The following ABCA4 variants were observed in gnomAD, a reference collection of about 807,000 sequenced individuals.
ABCA4 encodes the protein retinal-specific phospholipid-transporting ATPase ABCA4.
ABCA4 carries 196 observed loss-of-function variants against 263.7 expected under a neutral mutation model. The ratio of observed to expected loss-of-function variants is 0.74; its 90% CI spans 0.66 to 0.84. The LOEUF (loss-of-function observed/expected upper bound fraction) is 0.84, where lower values mean the gene tolerates loss of function less well. ABCA4 is among the 40% of genes least tolerant of loss of function. ABCA4 has a pLI of 0.00. For synonymous variants in ABCA4, 1,133 were observed against 1,094.2 expected (o/e 1.04, Z -0.70); for missense variants, 2,792 against 2,855.1 (o/e 0.98, Z 0.50).
intron 29 of ABCA4, among the ~76,000 whole-genome samples, chr1:94,030,083 C>A (rs746156316): frequency 2.6e-5 from 4 of 152,220 alleles, no homozygotes; most frequent in African/African-American, 9.6e-5. Context: ...CTGTGTCACT[C>A]ACGCCATTCA....
intron 4 of ABCA4, 105 bp downstream of exon 4, chr1:94,108,472 C>T: frequency 1.3e-6 from 2 of 1,536,248 alleles, no homozygotes; most frequent in South Asian, 2.3e-5. Flanking sequence ...TCCCTTCCTG[C>T]CTCCGCTAGT....
intron 44 of ABCA4, among the ~76,000 whole-genome samples, chr1:94,004,781 C>A (rs897817891): frequency 6.6e-6 from 1 of 152,078 alleles, no homozygotes; most frequent in Non-Finnish European, 1.5e-5. Flanking sequence ...TCTTTCTTCC[C>A]ATTTTCTTCT....
intron 12 of ABCA4, 39 bp from the exon 13 acceptor site, chr1:94,062,792 TGGATA>T (rs753054167): frequency 3.5e-5 from 56 of 1,605,500 alleles, no homozygotes; most frequent in Non-Finnish European, 4.7e-5. Flanking sequence ...GGAACGGGCT[TGGATA>T]GCTCACTCAC....
intron 11 of ABCA4, among the ~76,000 whole-genome samples, chr1:94,076,539 G>T (rs956241652): frequency 6.6e-6 from 1 of 151,392 alleles, no homozygotes; most frequent in Non-Finnish European, 1.5e-5. Flanking sequence ...CATTTGCAAA[G>T]GGTAGAATCC....
chr1:94,083,530 GA>G, intron 6 of ABCA4, 89 bp from the exon 7 acceptor site: 1 of 902,774 alleles, frequency 1.1e-6, no homozygotes. Context: ...CTATATGTTT[GA>G]AAACTCCCCC....
intron 47 of ABCA4, among the ~76,000 whole-genome samples, chr1:93,998,478 C>T (rs537146744): frequency 6.6e-6 from 1 of 151,974 alleles, no homozygotes; most frequent in East Asian, 1.9e-4. Context: ...GAGACCCTGT[C>T]TCAAAAAAAC....
At chr1:94,106,177 C>G (rs936711284) in intron 4 of ABCA4, among the ~76,000 whole-genome samples, 3 of 152,214 alleles carry the variant, frequency 2.0e-5, no homozygotes, top group African/African-American at 7.2e-5. Flanking sequence ...AGCCCTTGTC[C>G]CCAGATTTGC....
chr1:94,004,972 A>G (rs967313675), intron 44 of ABCA4, among the ~76,000 whole-genome samples: 11 of 152,328 alleles, frequency 7.2e-5, no homozygotes, highest in Middle Eastern at 3.4e-3. Flanking sequence ...AAATATCTCC[A>G]TATCAGTTTA....
intron 3 of ABCA4, 29 bp downstream of exon 3, chr1:94,111,409 C>T (rs748157491): frequency 6.2e-7 from 1 of 1,612,616 alleles, no homozygotes; most frequent in South Asian, 1.1e-5. Context: ...CAACTTCCTC[C>T]CCTGCATGGT....
Position 94,024,978 on chromosome 1 carries a change from G to A in ABCA4, c.4610C>T (p.Thr1537Met), listed in dbSNP as rs62642575. The change falls in exon 31 of 50, where the codon ACG becomes ATG. Residue 1537 changes from threonine (T) to methionine (M), a missense_variant. Transcript: ENST00000370225. ...DRNISDFLVK[T>M]YPALIRSSLK... ...CCTGCTTCTTATAAGAGCAGGATAC[G>A]TTTTTACCAAGAAGTCGGAGATGTT... is the stretch of plus-strand genomic sequence containing the variant. 64 of 1,614,118 alleles carry A rather than the reference G, an allele frequency of 4.0e-5. No individual in the cohort carries two copies. In the East Asian group the frequency reaches 6.9e-4, roughly 17 times the overall value.
In ABCA4 at chr1:93,997,910, T is replaced by C; in HGVS notation, c.6680A>G (p.Asp2227Gly). 1.2e-6 allele frequency: 2 copies of C among 1,614,058 alleles called. No individual in the cohort carries two copies. The highest frequency in any genetic ancestry group is 1.7e-6 in the Non-Finnish European group (2 of 1,179,956). ...RIFQLLLSHK[D>G]SLLIEEYSVT... ...TGAGTACTCCTCGATGAGCAGGCTG[T>C]CCTTGTGGGAGAGGAGGAGCTGGAA... Residue 2227 changes from aspartate to glycine, a missense_variant, in exon 48 of 50, where the codon GAC (aspartate) becomes GGC (glycine). Transcript: ENST00000370225.
chr1:94,001,734 A>C (rs749459388), intron 45 of ABCA4, 124 bp downstream of exon 45: 1 of 1,404,276 alleles, frequency 7.1e-7, no homozygotes, highest in Non-Finnish European at 9.9e-7. Context: ...GCAACACAGG[A>C]AACAGTCCAG....
intron 11 of ABCA4, among the ~76,000 whole-genome samples, chr1:94,065,284 C>T (rs1053022133): frequency 2.0e-5 from 3 of 152,112 alleles, no homozygotes; most frequent in African/African-American, 4.8e-5. Flanking sequence ...TTGGCAGCCC[C>T]GGAACTTAGG....
intron 28 of ABCA4, 148 bp downstream of exon 28, chr1:94,030,848 G>A: frequency 8.0e-7 from 1 of 1,250,230 alleles, no homozygotes; most frequent in South Asian, 1.3e-5. Context: ...GATACATTAA[G>A]TTCCTTTCTG....
intron 47 of ABCA4, among the ~76,000 whole-genome samples, 181 bp downstream of exon 47, chr1:94,000,652 AGAG>A (rs1553186347): frequency 6.6e-6 from 1 of 152,188 alleles, no homozygotes; most frequent in Non-Finnish European, 1.5e-5. Context: ...AGGCCAATAT[AGAG>A]GAGTTTCTTA....
intron 8 of ABCA4, among the ~76,000 whole-genome samples, chr1:94,080,135 C>T (rs1295422629): frequency 1.3e-5 from 2 of 152,178 alleles, no homozygotes; most frequent in East Asian, 1.9e-4. Context: ...TTGCCAGGGC[C>T]CTTCTGACCT....
intron 36 of ABCA4, among the ~76,000 whole-genome samples, chr1:94,016,568 G>C (rs183080552): frequency 1.7e-4 from 26 of 152,278 alleles, no homozygotes; most frequent in African/African-American, 6.3e-4. Context: ...AGGTCCGGTA[G>C]ATAAATGAGT....
intron 24 of ABCA4, 48 bp downstream of exon 24, chr1:94,039,995 G>T: frequency 6.8e-7 from 1 of 1,476,770 alleles, no homozygotes; most frequent in East Asian, 2.4e-5. Context: ...AGCAATACTG[G>T]GAGATGGCTG....
intron 19 of ABCA4, chr1:94,045,951 G>T (rs750849200): frequency 6.6e-6 from 3 of 456,238 alleles, no homozygotes; most frequent in South Asian, 4.6e-5. Context: ...GGAGGAGAGT[G>T]GGGCGCCTGC....
Sources: allele counts gnomAD v4.1 joint callset (sites outside exome capture counted in the v4.1 genomes callset), GRCh38; gene constraint gnomAD v4.1.1; transcripts MANE v1.5; gene names NCBI Gene and HGNC (gene_info 2026-07-23, HGNC 2026-07-21).